The following APBA2 variants were observed in gnomAD, a reference collection of about 807,000 sequenced individuals.
APBA2 encodes amyloid beta precursor protein binding family A member 2.
APBA2 carries 30 observed loss-of-function variants against 75.0 expected under a neutral mutation model. That is an observed-to-expected ratio of 0.40 (90% CI 0.30 to 0.54). The LOEUF is 0.54. Among genes scored for constraint, APBA2 ranks in the 20% least tolerant of loss-of-function variants. The probability of loss-of-function intolerance (pLI) is 0.49; values close to 1 mark genes in which losing one functional copy is unlikely to be tolerated. For missense variants in APBA2, 801 were observed against 1,016.1 expected, an observed-to-expected ratio of 0.79 and a Z score of 2.88; for synonymous variants, 444 against 409.6, an observed-to-expected ratio of 1.08 and a Z score of -1.01.
chr15:28,928,368 C>T (rs998092124), intron 2 of APBA2, among the ~76,000 whole-genome samples: 1 of 152,060 alleles, frequency 6.6e-6, no homozygotes, highest in Non-Finnish European at 1.5e-5. Context: ...TCCTCTGGCT[C>T]TGGGCTTCCC....
intron 2 of APBA2, among the ~76,000 whole-genome samples, chr15:28,937,081 G>A (rs1430013344): frequency 6.6e-6 from 1 of 152,210 alleles, no homozygotes; most frequent in African/African-American, 2.4e-5. Flanking sequence ...AGGATCGTAT[G>A]CCTCCGCTCT....
chr15:28,993,149 C>T lies in APBA2; in HGVS notation c.-94-2604C>T, dbSNP rs146379697. 1.0e-3 allele frequency among the ~76,000 whole-genome samples: 154 copies of T among 152,252 alleles called. 1 individual carries two copies. The highest frequency in any genetic ancestry group is 3.2e-3 in the African/African-American group (134 of 41,550). ...TCCTTCTGCCTGCTGGGATGGAGCC[C>T]GCCCCCCAAATATGCCTGGCTCACT... On this transcript the variant is annotated intron_variant, in intron 2 of 14. Coordinates refer to ENST00000683413, the MANE Select transcript of APBA2 (RefSeq NM_001353788.2).
At chr15:29,049,795 T>G (rs999511647) in intron 3 of APBA2, among the ~76,000 whole-genome samples, 1 of 152,160 alleles carries the variant, frequency 6.6e-6, no homozygotes, top group African/African-American at 2.4e-5. Flanking sequence ...AAAAGTGAGT[T>G]AGTGTTTTGG....
At chr15:28,908,636 G>C (rs1167997430) in intron 1 of APBA2, among the ~76,000 whole-genome samples, 1 of 152,096 alleles carries the variant, frequency 6.6e-6, no homozygotes, top group Non-Finnish European at 1.5e-5. Flanking sequence ...ATTTTACACT[G>C]GGGCTTTTCT....
At chr15:29,061,192 G>A (rs1192782457) in intron 4 of APBA2, among the ~76,000 whole-genome samples, 1 of 152,178 alleles carries the variant, frequency 6.6e-6, no homozygotes, top group Non-Finnish European at 1.5e-5. Flanking sequence ...AAAGGGTTTG[G>A]CGAGGGCTGG....
chr15:28,950,110 G>C (rs1274088807), intron 2 of APBA2, among the ~76,000 whole-genome samples: 1 of 152,120 alleles, frequency 6.6e-6, no homozygotes, highest in African/African-American at 2.4e-5. Context: ...GACCTTGATA[G>C]TTTTCAAGAG....
intron 2 of APBA2, among the ~76,000 whole-genome samples, chr15:28,995,141 C>G (rs1451739378): frequency 6.6e-6 from 1 of 152,204 alleles, no homozygotes; most frequent in Non-Finnish European, 1.5e-5. Flanking sequence ...CTTGAAACCC[C>G]CGAGCCTGCT....
rs923092201 is a variant in APBA2, at chr15:29,075,091, A to G, written c.1032+90A>G. On this transcript the variant is annotated intron_variant, in intron 5 of 14. Transcript: ENST00000683413. ...GAGTTGTGGTCTGCTCACTTTGTCC[A>G]TGATGTTCTCATCCCACCCGGTGCC... 3.0e-6 allele frequency: 3 copies of G among 995,652 alleles called. No individual in the cohort carries two copies. The Admixed American group carries it at 5.9e-5, about 20-fold the overall frequency. 61.7% of individuals were successfully genotyped at this position (995,652 alleles called of 1,614,324 possible).
At chr15:29,070,211 A>G (rs1239469468) in intron 4 of APBA2, among the ~76,000 whole-genome samples, 1 of 152,256 alleles carries the variant, frequency 6.6e-6, no homozygotes, top group African/African-American at 2.4e-5. Flanking sequence ...TGTACACTCA[A>G]AAATGGTTAA....
At chr15:29,047,244 C>G (rs2041380404) in intron 3 of APBA2, among the ~76,000 whole-genome samples, 1 of 152,190 alleles carries the variant, frequency 6.6e-6, no homozygotes, top group South Asian at 2.1e-4. Context: ...ACGTGGCTGC[C>G]TTCTGGGTAG....
intron 4 of APBA2, among the ~76,000 whole-genome samples, chr15:29,072,628 G>T (rs1195297966): frequency 6.6e-6 from 1 of 152,118 alleles, no homozygotes; most frequent in Admixed American, 6.5e-5. Flanking sequence ...ACAGAGTCTC[G>T]GGTGGTCACA....
At chr15:28,992,329 T>C (rs2038278187) in intron 2 of APBA2, among the ~76,000 whole-genome samples, 1 of 152,230 alleles carries the variant, frequency 6.6e-6, no homozygotes, top group Non-Finnish European at 1.5e-5. Context: ...TCAGGAAATG[T>C]ATGAATCGTC....
chr15:29,108,754 C>G (rs1471068648), intron 13 of APBA2: 1 of 406,364 alleles, frequency 2.5e-6, no homozygotes, highest in African/African-American at 2.0e-5. Flanking sequence ...GACGTTCACT[C>G]ATTCATTCAT....
intron 4 of APBA2, among the ~76,000 whole-genome samples, chr15:29,066,934 G>A (rs1248555293): frequency 6.6e-6 from 1 of 152,146 alleles, no homozygotes; most frequent in Non-Finnish European, 1.5e-5. Context: ...AGTTCTGCAG[G>A]CTGTAGAGGA....
At chr15:28,951,938 G>C (rs1306286970) in intron 2 of APBA2, among the ~76,000 whole-genome samples, 1 of 145,932 alleles carries the variant, frequency 6.9e-6, no homozygotes, top group Non-Finnish European at 1.5e-5. Context: ...TGCTCAAGCT[G>C]GAGTGAATGG....
At chr15:29,022,895 A>C (rs1437117778) in intron 3 of APBA2, among the ~76,000 whole-genome samples, 1 of 152,012 alleles carries the variant, frequency 6.6e-6, no homozygotes, top group Non-Finnish European at 1.5e-5. Flanking sequence ...TTTTTCTTGA[A>C]AGTTTTGTAC....
intron 6 of APBA2, among the ~76,000 whole-genome samples, chr15:29,083,692 G>A (rs1403841009): frequency 2.0e-5 from 3 of 151,924 alleles, no homozygotes; most frequent in Non-Finnish European, 2.9e-5. Context: ...CACCATGGCC[G>A]GCTAATTTTT....
At chr15:28,972,649 A>G (rs548132548) in intron 2 of APBA2, among the ~76,000 whole-genome samples, 1 of 152,354 alleles carries the variant, frequency 6.6e-6, no homozygotes, top group East Asian at 1.9e-4. Flanking sequence ...AGTGATTCAG[A>G]AACAAAAATA....
intron 3 of APBA2, among the ~76,000 whole-genome samples, chr15:29,025,508 G>A (rs1415091907): frequency 6.6e-6 from 1 of 151,850 alleles, no homozygotes; most frequent in African/African-American, 2.4e-5. Flanking sequence ...TCTTGACCTT[G>A]TGATCCGCCT....
Sources: gnomAD v4.1 joint callset for allele counts (sites outside exome capture counted in the v4.1 genomes callset) on GRCh38, gnomAD v4.1.1 for gene constraint, MANE v1.5 for transcripts, NCBI Gene and HGNC (gene_info 2026-07-23, HGNC 2026-07-21) for gene names.